Variants in UBTD1 observed in about 807,000 individuals in gnomAD.
The protein encoded by UBTD1 is ubiquitin domain containing 1.
A neutral mutation model predicts 21.7 loss-of-function variants in UBTD1; 19 were observed. That is an observed-to-expected ratio of 0.87 (90% CI 0.61 to 1.28). The LOEUF (loss-of-function observed/expected upper bound fraction) is 1.28, where lower values mean the gene tolerates loss of function less well. Ranked by LOEUF, UBTD1 falls within the 50% of genes most tolerant of loss-of-function variation. The pLI is 0.00. For synonymous variants in UBTD1, 116 were observed against 135.1 expected (o/e 0.86, Z 0.98); for missense variants, 282 against 315.1 (o/e 0.89, Z 0.80).
chr10:97,524,447 C>T (rs997922090), intron 1 of UBTD1, among the ~76,000 whole-genome samples: 3 of 152,126 alleles, frequency 2.0e-5, no homozygotes, highest in Non-Finnish European at 2.9e-5. Flanking sequence ...TCTTCTAGCC[C>T]CCTCTTCCTG....
chr10:97,535,993 A>ATTATTATTAT (rs1243176387), intron 1 of UBTD1, among the ~76,000 whole-genome samples: 9 of 147,794 alleles, frequency 6.1e-5, no homozygotes, highest in African/African-American at 2.2e-4. Context: ...TATTATTATT[A>ATTATTATTAT]TTATTATTAT....
intron 1 of UBTD1, among the ~76,000 whole-genome samples, chr10:97,505,058 C>T (rs749295749): frequency 2.6e-5 from 4 of 152,066 alleles, no homozygotes; most frequent in Non-Finnish European, 4.4e-5. Flanking sequence ...TCCAGGCACA[C>T]GTGATGTTTG....
At chr10:97,533,694 C>T (rs921675893) in intron 1 of UBTD1, among the ~76,000 whole-genome samples, 1 of 152,024 alleles carries the variant, frequency 6.6e-6, no homozygotes, top group Non-Finnish European at 1.5e-5. Context: ...GGGACTGAGG[C>T]GGGCAGATCA....
chr10:97,505,244 C>T (rs2040393481), intron 1 of UBTD1, among the ~76,000 whole-genome samples: 1 of 151,900 alleles, frequency 6.6e-6, no homozygotes, highest in African/African-American at 2.4e-5. Flanking sequence ...TTTTTCTTAC[C>T]CAGCCATTAG....
At chr10:97,502,073 A>T (rs1315871827) in intron 1 of UBTD1, among the ~76,000 whole-genome samples, 1 of 152,220 alleles carries the variant, frequency 6.6e-6, no homozygotes, top group East Asian at 1.9e-4. Context: ...TCTCACGCAC[A>T]CACACACATT....
chr10:97,545,870 G>T (rs1302925837), intron 1 of UBTD1, among the ~76,000 whole-genome samples: 4 of 152,172 alleles, frequency 2.6e-5, no homozygotes, highest in Non-Finnish European at 5.9e-5. Flanking sequence ...AGTCTGGAGT[G>T]CAGTGGCGCA....
At position 97,552,844 on chromosome 10, in the gene UBTD1, A is replaced by T. The variant is rs1489472672; in HGVS notation, c.71-15070A>T. On this transcript the variant is annotated intron_variant, in intron 1 of 2. Transcript: ENST00000370664. ...TGGCTGCCGCTGATGCCTCGAGTGG[A>T]TGCCCATATTTTATGTAGCCTTTCT... 2.6e-5 allele frequency among the ~76,000 whole-genome samples: 4 copies of T among 152,268 alleles called. No individual in the cohort carries two copies. The East Asian group carries it at 7.7e-4, about 29-fold the overall frequency.
chr10:97,520,827 T>C (rs2040463932), intron 1 of UBTD1, among the ~76,000 whole-genome samples: 1 of 152,164 alleles, frequency 6.6e-6, no homozygotes, highest in Non-Finnish European at 1.5e-5. Context: ...AGGAGGTGTT[T>C]TCCCTTTCCA....
At chr10:97,545,583 G>C (rs1564741876) in intron 1 of UBTD1, among the ~76,000 whole-genome samples, 1 of 152,164 alleles carries the variant, frequency 6.6e-6, no homozygotes, top group African/African-American at 2.4e-5. Context: ...ATATTTGTGT[G>C]TATCTTTAAT....
At chr10:97,548,524 A>G (rs1014692145) in intron 1 of UBTD1, among the ~76,000 whole-genome samples, 1 of 152,220 alleles carries the variant, frequency 6.6e-6, no homozygotes, top group African/African-American at 2.4e-5. Context: ...GGCTGGGCGC[A>G]GTGGCTCACG....
At chr10:97,513,436 G>A (rs183497321) in intron 1 of UBTD1, among the ~76,000 whole-genome samples, 4 of 152,318 alleles carry the variant, frequency 2.6e-5, no homozygotes, top group Admixed American at 2.6e-4. Flanking sequence ...GGGAGCTCGA[G>A]TTACGGAGGG....
chr10:97,513,103 G>A (rs971816998), intron 1 of UBTD1, among the ~76,000 whole-genome samples: 4 of 152,212 alleles, frequency 2.6e-5, no homozygotes, highest in African/African-American at 7.2e-5. Context: ...GGTTCAGAGG[G>A]GTCAAGCCAC....
chr10:97,546,141 C>T (rs922035806), intron 1 of UBTD1, among the ~76,000 whole-genome samples: 4 of 152,212 alleles, frequency 2.6e-5, no homozygotes, highest in African/African-American at 9.6e-5. Context: ...TTCTTTGTGG[C>T]ATGGTGAACA....
intron 1 of UBTD1, among the ~76,000 whole-genome samples, chr10:97,508,818 G>C (rs956356436): frequency 6.6e-6 from 1 of 152,104 alleles, no homozygotes; most frequent in Non-Finnish European, 1.5e-5. Flanking sequence ...TTGAGGGCTC[G>C]GTGTGCTAGA....
chr10:97,543,649 C>T lies in UBTD1; in HGVS notation c.71-24265C>T, dbSNP rs187660918. On this transcript the variant is annotated intron_variant, in intron 1 of 2. Coordinates refer to ENST00000370664, the MANE Select transcript of UBTD1 (RefSeq NM_024954.5). ...CAGCAGGTCCTGATGGAAATGGACCCAGGTCTTCTGACCCCAAGTTCACCC... is the reference window on the plus strand; with the variant it reads ...CAGCAGGTCCTGATGGAAATGGACCTAGGTCTTCTGACCCCAAGTTCACCC... Among the ~76,000 whole-genome samples the T allele has an allele frequency of 9.2e-4, 140 of 152,334 alleles. 3 individuals are homozygous for T. Among genetic ancestry groups the T allele is most frequent in the African/African-American group, 3.3e-3 (136 of 41,572 alleles).
At chr10:97,520,600 T>C (rs2040463057) in intron 1 of UBTD1, among the ~76,000 whole-genome samples, 1 of 152,116 alleles carries the variant, frequency 6.6e-6, no homozygotes. Context: ...TCAGGAAGCC[T>C]TCCCTGAAAA....
chr10:97,504,916 G>A (rs1243190625), intron 1 of UBTD1, among the ~76,000 whole-genome samples: 1 of 152,082 alleles, frequency 6.6e-6, no homozygotes, highest in Non-Finnish European at 1.5e-5. Flanking sequence ...CTGTGGTTTG[G>A]GTGCCTCTTG....
chr10:97,563,740 G>A (rs76357887), intron 1 of UBTD1, among the ~76,000 whole-genome samples: 2,622 of 152,156 alleles, frequency 0.017, 85 homozygotes, highest in African/African-American at 0.06. Context: ...TGGTGAATGG[G>A]GTATGACTAG....
At chr10:97,561,823 A>C (rs2040694164) in intron 1 of UBTD1, among the ~76,000 whole-genome samples, 1 of 152,178 alleles carries the variant, frequency 6.6e-6, no homozygotes, top group African/African-American at 2.4e-5. Flanking sequence ...ATCATTTGTC[A>C]CACATAGTCA....
Sources: allele counts gnomAD v4.1 joint callset (sites outside exome capture counted in the v4.1 genomes callset), GRCh38; gene constraint gnomAD v4.1.1; transcripts MANE v1.5; gene names NCBI Gene and HGNC (gene_info 2026-07-23, HGNC 2026-07-21).